ABHD12: variants seen among roughly 807,000 people sequenced by gnomAD.
ABHD12 encodes lysophosphatidylserine lipase ABHD12.
A neutral mutation model predicts 58.3 loss-of-function variants in ABHD12; 43 were observed. The observed-to-expected ratio is 0.74, with a 90% CI of 0.58 to 0.95. ABHD12 has a LOEUF of 0.95. Ranked by LOEUF, ABHD12 falls within the 40% of genes least tolerant of loss-of-function variation. The probability of loss-of-function intolerance (pLI) is 0.00; values close to 1 mark genes in which losing one functional copy is unlikely to be tolerated. For synonymous variants in ABHD12, 219 were observed against 211.2 expected (o/e 1.04, Z -0.32); for missense variants, 539 against 537.2 (o/e 1.00, Z -0.03).
intron 1 of ABHD12, among the ~76,000 whole-genome samples, chr20:25,340,886 G>A (rs2089445719): frequency 6.6e-6 from 1 of 152,176 alleles, no homozygotes; most frequent in African/African-American, 2.4e-5. Flanking sequence ...TTGGAGTGAT[G>A]GAACATACTT....
chr20:25,311,453 T>A (rs978523975), intron 6 of ABHD12, among the ~76,000 whole-genome samples: 1 of 152,218 alleles, frequency 6.6e-6, no homozygotes, highest in African/African-American at 2.4e-5. Flanking sequence ...GATTCTGAAT[T>A]TCTGACCTCC....
At chr20:25,298,580 A>G (rs2088587202), downstream of ABHD12, among the ~76,000 whole-genome samples, 1 of 152,084 alleles carries the variant, frequency 6.6e-6, no homozygotes, top group Admixed American at 6.5e-5. Flanking sequence ...TAAAAATTCT[A>G]TCAATCAATC....
chr20:25,386,372 C>A (rs1043279325), intron 1 of ABHD12, among the ~76,000 whole-genome samples: 4 of 150,398 alleles, frequency 2.7e-5, no homozygotes, highest in Non-Finnish European at 4.4e-5. Context: ...CATTCTCCTA[C>A]CTCAGCCTCC....
At chr20:25,347,190 T>A (rs1383169602) in intron 1 of ABHD12, among the ~76,000 whole-genome samples, 6 of 152,196 alleles carry the variant, frequency 3.9e-5, no homozygotes, top group Admixed American at 6.5e-5. Context: ...AAGTTTTATA[T>A]CATTATTTTT....
intron 2 of ABHD12, among the ~76,000 whole-genome samples, chr20:25,324,198 G>A (rs2089133495): frequency 6.6e-6 from 1 of 152,180 alleles, no homozygotes; most frequent in Non-Finnish European, 1.5e-5. Context: ...GCGGGCAGAT[G>A]AGAGGAGCAA....
In ABHD12 at chr20:25,305,972, C is replaced by T. The variant is rs139253269; in HGVS notation, c.950+861G>A. On this transcript the variant is annotated intron_variant, in intron 10 of 12. Transcript: ENST00000339157. ...CCCGAGATCAGGAGTTCGAGACCAG[C>T]CCGGCCAACATGGTGAAACCCCGTC... 8.6e-3 allele frequency among the ~76,000 whole-genome samples: 1,308 copies of T among 152,118 alleles called. 17 individuals carry two copies. The highest frequency in any genetic ancestry group is 0.03 in the African/African-American group (1,229 of 41,490).
At chr20:25,294,760 T>TA (rs1185792052) in exon 13 of ABHD12, 5 of 655,526 alleles carry the variant, frequency 7.6e-6, no homozygotes, top group Non-Finnish European at 1.4e-5. Context: ...ATAATGTAGT[T>TA]AGTGTTTTAT....
At chr20:25,310,982 T>A (rs2088839295) in intron 6 of ABHD12, among the ~76,000 whole-genome samples, 1 of 152,180 alleles carries the variant, frequency 6.6e-6, no homozygotes. Context: ...GTCTCTAGCA[T>A]GCAGCAGAAG....
chr20:25,368,921 G>A (rs1177990972), intron 1 of ABHD12, among the ~76,000 whole-genome samples: 1 of 152,110 alleles, frequency 6.6e-6, no homozygotes, highest in East Asian at 1.9e-4. Flanking sequence ...TCATGAGTTT[G>A]GGACCAGCTT....
intron 1 of ABHD12, among the ~76,000 whole-genome samples, chr20:25,379,336 G>C (rs1002611630): frequency 6.6e-6 from 1 of 152,204 alleles, no homozygotes; most frequent in African/African-American, 2.4e-5. Flanking sequence ...GGAACTGAGA[G>C]AGAGAGGCCC....
At chr20:25,322,381 A>ATATTTTT in intron 3 of ABHD12, among the ~76,000 whole-genome samples, 13 of 59,262 alleles carry the variant, frequency 2.2e-4, no homozygotes, top group African/African-American at 9.1e-4. Flanking sequence ...ATATATATAT[A>ATATTTTT]TTTTTTTTTT....
intron 1 of ABHD12, 103 bp downstream of exon 1, chr20:25,390,410 C>A: frequency 8.6e-7 from 1 of 1,162,858 alleles, no homozygotes; most frequent in Non-Finnish European, 1.1e-6. Flanking sequence ...GGCGGACGGC[C>A]ACTCTGGGAG....
At chr20:25,343,158 T>C (rs1004945572) in intron 1 of ABHD12, among the ~76,000 whole-genome samples, 15 of 152,198 alleles carry the variant, frequency 9.9e-5, no homozygotes, top group Admixed American at 1.3e-4. Context: ...AAAACTCACG[T>C]AAGAAATAGA....
downstream of ABHD12, chr20:25,295,489 C>G: frequency 7.9e-7 from 1 of 1,272,416 alleles, no homozygotes; most frequent in Non-Finnish European, 1.1e-6. Context: ...GGCCCCTTCG[C>G]TCCAGACAGG....
intron 1 of ABHD12, among the ~76,000 whole-genome samples, chr20:25,361,887 G>A (rs62213693): frequency 0.022 from 3,304 of 152,060 alleles, 44 homozygotes; most frequent in Middle Eastern, 0.083. Context: ...CCCAGGAGGC[G>A]GAGCTTGCAG....
chr20:25,336,071 T>C (rs1358892198), intron 2 of ABHD12, among the ~76,000 whole-genome samples: 2 of 152,080 alleles, frequency 1.3e-5, no homozygotes, highest in Admixed American at 1.3e-4. Flanking sequence ...AAGAGATACC[T>C]TCTTGATCTG....
chr20:25,388,269 G>A (rs1158485734), intron 1 of ABHD12, among the ~76,000 whole-genome samples: 1 of 152,168 alleles, frequency 6.6e-6, no homozygotes, highest in Non-Finnish European at 1.5e-5. Flanking sequence ...CGGCTCTGTG[G>A]CGCAATGGAT....
At chr20:25,387,719 G>A (rs1182156695) in intron 1 of ABHD12, among the ~76,000 whole-genome samples, 2 of 151,830 alleles carry the variant, frequency 1.3e-5, no homozygotes, top group African/African-American at 4.8e-5. Context: ...CAGCCTGGGT[G>A]ACGGAACTTT....
At chr20:25,310,994 G>A (rs1466135200) in intron 6 of ABHD12, among the ~76,000 whole-genome samples, 1 of 152,190 alleles carries the variant, frequency 6.6e-6, no homozygotes, top group South Asian at 2.1e-4. Flanking sequence ...CAGCAGAAGA[G>A]AACCAGTGTC....
Sources: gnomAD v4.1 joint callset for allele counts (sites outside exome capture counted in the v4.1 genomes callset) on GRCh38, gnomAD v4.1.1 for gene constraint, MANE v1.5 for transcripts, NCBI Gene and HGNC (gene_info 2026-07-23, HGNC 2026-07-21) for gene names.